The following FRMD4A variants were observed in gnomAD, a reference collection of about 807,000 sequenced individuals.
The protein encoded by FRMD4A is FERM domain-containing protein 4A.
A neutral mutation model predicts 129.1 loss-of-function variants in FRMD4A; 29 were observed. The ratio of observed to expected loss-of-function variants is 0.22; its 90% CI spans 0.17 to 0.31. FRMD4A has a LOEUF of 0.31. Ranked by LOEUF, FRMD4A falls within the 10% of genes least tolerant of loss-of-function variation. The probability of loss-of-function intolerance (pLI) is 1.00; values close to 1 mark genes in which losing one functional copy is unlikely to be tolerated. For missense variants in FRMD4A, 1,272 were observed against 1,375.8 expected, an observed-to-expected ratio of 0.92 and a Z score of 1.19; for synonymous variants, 634 against 571.6, an observed-to-expected ratio of 1.11 and a Z score of -1.56.
At position 13,805,965 on chromosome 10, in the gene FRMD4A, C is replaced by G. The variant is rs545045664; in HGVS notation, c.206+4849G>C. 8.5e-5 allele frequency among the ~76,000 whole-genome samples: 13 copies of G among 152,164 alleles called. No individual in the cohort carries two copies. The South Asian group carries it at 2.1e-3, about 24-fold the overall frequency. ...CTCCACCTCCTGGGTTCAAGCAATG[C>G]TCGTGTGTCAGCCTCCTAAGTAGCT... On this transcript the variant is annotated intron_variant, in intron 4 of 24. Coordinates refer to ENST00000357447, the MANE Select transcript of FRMD4A (RefSeq NM_018027.5).
chr10:14,092,909 T>C (rs936553372), intron 2 of FRMD4A, among the ~76,000 whole-genome samples: 2 of 152,156 alleles, frequency 1.3e-5, no homozygotes, highest in Admixed American at 6.5e-5. Flanking sequence ...GACCTAGGTA[T>C]AGAGAAACAG....
At position 14,305,444 on chromosome 10, in the gene FRMD4A, A is replaced by G. The variant is rs1031226039; in HGVS notation, c.45+24614T>C. On this transcript the variant is annotated intron_variant, in intron 2 of 24. Transcript: ENST00000357447. Reference sequence around the variant, plus strand: ...TAAATATATTTGTATCCCCAGTATAACAATGTAACATATATTGGAATCTAC... The same window carrying G: ...TAAATATATTTGTATCCCCAGTATAGCAATGTAACATATATTGGAATCTAC... Among the ~76,000 whole-genome samples, 6 of 152,232 alleles carry G rather than the reference A, an allele frequency of 3.9e-5. No individual in the cohort carries two copies. In the South Asian group the frequency reaches 8.3e-4, roughly 21 times the overall value.
chr10:13,728,284 T>C (rs2090055778), intron 12 of FRMD4A, among the ~76,000 whole-genome samples: 1 of 152,172 alleles, frequency 6.6e-6, no homozygotes, highest in Non-Finnish European at 1.5e-5. Context: ...GTGGGCAAGA[T>C]AGAGGGTTGC....
intron 3 of FRMD4A, among the ~76,000 whole-genome samples, chr10:13,830,114 C>A (rs1192006009): frequency 1.3e-5 from 2 of 152,204 alleles, no homozygotes; most frequent in African/African-American, 2.4e-5. Flanking sequence ...ACGCGCTTTA[C>A]ATTCATAACA....
intron 6 of FRMD4A, among the ~76,000 whole-genome samples, chr10:13,774,748 G>A (rs113685296): frequency 5.9e-5 from 9 of 152,172 alleles, no homozygotes; most frequent in African/African-American, 1.9e-4. Context: ...CAACAGACCA[G>A]GGCCAGCAGA....
intron 2 of FRMD4A, among the ~76,000 whole-genome samples, chr10:13,936,561 C>A (rs1282553790): frequency 6.6e-6 from 1 of 152,186 alleles, no homozygotes. Context: ...ATCTCCCTCA[C>A]CCCTTCTGCC....
intron 8 of FRMD4A, among the ~76,000 whole-genome samples, chr10:13,755,199 T>C (rs1459313873): frequency 1.3e-5 from 2 of 152,242 alleles, no homozygotes; most frequent in African/African-American, 2.4e-5. Flanking sequence ...TTCGTGTTCT[T>C]TTCCTGTTGA....
intron 2 of FRMD4A, among the ~76,000 whole-genome samples, chr10:14,062,555 C>A (rs959553630): frequency 6.6e-6 from 1 of 152,212 alleles, no homozygotes; most frequent in Admixed American, 6.5e-5. Context: ...TTGTAACCAA[C>A]GAGCTTCAAG....
At chr10:14,235,872 C>T (rs982775285) in intron 2 of FRMD4A, among the ~76,000 whole-genome samples, 5 of 152,218 alleles carry the variant, frequency 3.3e-5, no homozygotes, top group African/African-American at 9.7e-5. Flanking sequence ...CCACAATTCC[C>T]GTGCCAAACC....
At chr10:14,159,151 A>G (rs1840753021) in intron 2 of FRMD4A, among the ~76,000 whole-genome samples, 1 of 152,182 alleles carries the variant, frequency 6.6e-6, no homozygotes, top group Admixed American at 6.5e-5. Flanking sequence ...ACAATCAGGG[A>G]TTGCTGGAAA....
At chr10:13,763,142 G>C (rs1165409804) in intron 6 of FRMD4A, among the ~76,000 whole-genome samples, 2 of 152,144 alleles carry the variant, frequency 1.3e-5, no homozygotes, top group African/African-American at 2.4e-5. Context: ...TGGACTAGGG[G>C]ACCTGGGCCT....
intron 2 of FRMD4A, among the ~76,000 whole-genome samples, chr10:13,915,731 CAG>C (rs2094995087): frequency 6.6e-6 from 1 of 151,448 alleles, no homozygotes; most frequent in Non-Finnish European, 1.5e-5. Context: ...TTGTGCCACT[CAG>C]AGCTGCTACC....
At position 13,656,946 on chromosome 10, in the gene FRMD4A, C is replaced by G. The variant is rs1246604572; in HGVS notation, c.2643G>C (p.Glu881Asp). Reference protein sequence around the residue: ...NSYTAGGLFKESWRGGGGDEG... With the variant: ...NSYTAGGLFKDSWRGGGGDEG... ...CGTCGCCGCCGCCGCCGCGCCAGCT[C>G]TCCTTGAACAGGCCGCCCGCCGTGT... The change falls in exon 22 of 25, where the codon GAG becomes GAC. Residue 881 changes from glutamate to aspartate, a missense_variant. Glu to Asp is a conservative substitution (Grantham distance 45). Transcript: ENST00000357447. 5.9e-6 allele frequency: 9 copies of G among 1,529,840 alleles called. No homozygotes were observed. Among genetic ancestry groups the G allele is most frequent in the Non-Finnish European group, 7.9e-6 (9 of 1,145,594 alleles). The allele number at this position is 1,529,840 out of a possible 1,614,324, so 94.8% of individuals were successfully genotyped here.
intron 2 of FRMD4A, among the ~76,000 whole-genome samples, chr10:14,116,355 G>C (rs115750114): frequency 8.7e-4 from 132 of 152,318 alleles, no homozygotes; most frequent in African/African-American, 2.8e-3. Context: ...GGTGGTTTTT[G>C]CATGTTCATT....
intron 2 of FRMD4A, among the ~76,000 whole-genome samples, chr10:14,170,141 A>G (rs992249787): frequency 6.6e-6 from 1 of 152,164 alleles, no homozygotes; most frequent in African/African-American, 2.4e-5. Flanking sequence ...GACTATACAT[A>G]TTTTATTCTT....
chr10:14,078,926 G>A (rs760886642), intron 2 of FRMD4A, among the ~76,000 whole-genome samples: 9 of 152,170 alleles, frequency 5.9e-5, no homozygotes, highest in African/African-American at 1.7e-4. Context: ...GGTGTCCTGC[G>A]AATTCTCCAC....
chr10:13,775,855 C>G (rs929752217), intron 6 of FRMD4A, among the ~76,000 whole-genome samples: 7 of 152,172 alleles, frequency 4.6e-5, no homozygotes, highest in Non-Finnish European at 8.8e-5. Flanking sequence ...ATCTGAGAAT[C>G]TGTAGGAACT....
chr10:13,705,164 C>T (rs1409326), intron 13 of FRMD4A, among the ~76,000 whole-genome samples: 150,713 of 152,298 alleles, frequency 0.99, 74,588 homozygotes, highest in Middle Eastern at 1. Flanking sequence ...CTTCCTTCCC[C>T]GCCACAGCAC....
At chr10:14,302,735 C>T (rs1298786894) in intron 2 of FRMD4A, among the ~76,000 whole-genome samples, 1 of 152,170 alleles carries the variant, frequency 6.6e-6, no homozygotes, top group African/African-American at 2.4e-5. Flanking sequence ...AATCCTAATT[C>T]CAAAAGTTAA....
Sources: gnomAD v4.1 joint callset for allele counts (sites outside exome capture counted in the v4.1 genomes callset) on GRCh38, gnomAD v4.1.1 for gene constraint, MANE v1.5 for transcripts, NCBI Gene and HGNC (gene_info 2026-07-23, HGNC 2026-07-21) for gene names.